The following NAA50 variants were observed in gnomAD, a reference collection of about 807,000 sequenced individuals.
NAA50 encodes the protein N-alpha-acetyltransferase 50, NatE catalytic subunit.
NAA50 carries 7 observed loss-of-function variants against 20.7 expected under a neutral mutation model. That is an observed-to-expected ratio of 0.34 (90% CI 0.19 to 0.63). The LOEUF is 0.63. Among genes scored for constraint, NAA50 ranks in the 30% least tolerant of loss-of-function variants. The pLI, the probability that NAA50 is intolerant of heterozygous loss-of-function variation, is 0.75. For synonymous variants in NAA50, 54 were observed against 70.6 expected (o/e 0.77, Z 1.18); for missense variants, 111 against 199.1 (o/e 0.56, Z 2.66).
intron 1 of NAA50, among the ~76,000 whole-genome samples, chr3:113,737,277 G>C (rs931507263): frequency 6.6e-6 from 1 of 152,186 alleles, no homozygotes; most frequent in Admixed American, 6.5e-5. Flanking sequence ...ATGGTCCTTT[G>C]ATTTAAAAAT....
intron 1 of NAA50, among the ~76,000 whole-genome samples, chr3:113,726,273 T>A (rs557841433): frequency 3.3e-5 from 5 of 152,000 alleles, no homozygotes; most frequent in African/African-American, 1.2e-4. Context: ...AATAAAAAAA[T>A]AGACATTTTC....
intron 1 of NAA50, among the ~76,000 whole-genome samples, chr3:113,730,426 A>T (rs1024662718): frequency 3.3e-5 from 5 of 151,226 alleles, no homozygotes; most frequent in African/African-American, 1.2e-4. Flanking sequence ...ATCAGTTTTG[A>T]TTGATTCCTT....
rs967316913 is a variant in NAA50 at position 113,719,191 on chromosome 3, T to C, written c.*2569A>G. ...TTCTCTTTTTGGAGGACTTTTCAAT[T>C]GATGAGTAAACTGCTTTAGATATTT... On this transcript the variant is annotated 3_prime_UTR_variant, in exon 5 of 5. Transcript: ENST00000240922. 3 of 152,622 alleles carry C rather than the reference T, an allele frequency of 2.0e-5. No individual in the cohort carries two copies. Among genetic ancestry groups the C allele is most frequent in the Admixed American group, 6.5e-5 (1 of 15,280 alleles). 9.5% of individuals were successfully genotyped at this position (152,622 alleles called of 1,614,324 possible).
intron 1 of NAA50, among the ~76,000 whole-genome samples, chr3:113,740,102 G>T (rs576447457): frequency 6.6e-6 from 1 of 151,616 alleles, no homozygotes; most frequent in Non-Finnish European, 1.5e-5. Flanking sequence ...TTTTCCCTTA[G>T]AAGTTTTTTT....
chr3:113,746,247 T>A lies in NAA50; in HGVS notation c.-298A>T. ...CAGACCCGCTGCCGCGCTGTGACCT[T>A]TCACCCCGCCCCTCGCGCGCCGGCG... On this transcript the variant is annotated 5_prime_UTR_variant, in exon 1 of 5. Coordinates refer to ENST00000240922, the MANE Select transcript of NAA50 (RefSeq NM_025146.4). 2.6e-6 allele frequency: 1 copy of A among 391,432 alleles called. No homozygotes were observed. The highest frequency in any genetic ancestry group is 4.6e-6 in the Non-Finnish European group (1 of 218,600). 24.2% of individuals were successfully genotyped at this position (391,432 alleles called of 1,614,324 possible).
chr3:113,739,003 G>A (rs1018943756), intron 1 of NAA50, among the ~76,000 whole-genome samples: 2 of 151,852 alleles, frequency 1.3e-5, no homozygotes, highest in Admixed American at 1.3e-4. Flanking sequence ...TAATAACTGG[G>A]TAAGTTATAA....
chr3:113,718,249 G>C lies in NAA50; in HGVS notation c.*3511C>G, dbSNP rs1708087032. 6.6e-6 allele frequency: 1 copy of C among 152,198 alleles called. No individual in the cohort carries two copies. Among genetic ancestry groups the C allele is most frequent in the Non-Finnish European group, 1.5e-5 (1 of 68,062 alleles). 9.4% of individuals were successfully genotyped at this position (152,198 alleles called of 1,614,324 possible). A position where few individuals can be genotyped will look rare whatever the true frequency, so the allele number is the denominator to read the frequency against. On this transcript the variant is annotated 3_prime_UTR_variant, in exon 5 of 5. Coordinates refer to ENST00000240922, the MANE Select transcript of NAA50 (RefSeq NM_025146.4). ...GAACAGAAGCCCAAGAGCCACGTAA[G>C]CAAGACATCTTGGAAATGGCTCCTC...
intron 4 of NAA50, among the ~76,000 whole-genome samples, chr3:113,722,665 T>C (rs1196831866): frequency 6.6e-6 from 1 of 152,192 alleles, no homozygotes; most frequent in Non-Finnish European, 1.5e-5. Flanking sequence ...ATTTCATCCC[T>C]GTGACTTTGG....
Position 113,723,891 on chromosome 3 carries a change from TA to T in NAA50, c.145+67del, listed in dbSNP as rs1266747825. On this transcript the variant is annotated intron_variant, in intron 2 of 4. Transcript: ENST00000240922. Reference sequence around the variant, plus strand: ...AAATTAGTTAACTTCTTCTGCTCTATAAAAAACTAGGGTTCAAGAACAAAAA... The same window carrying T: ...AAATTAGTTAACTTCTTCTGCTCTATAAAAACTAGGGTTCAAGAACAAAAA... 3.5e-6 allele frequency: 5 copies of T among 1,431,134 alleles called. No homozygotes were observed. In the Admixed American group the frequency reaches 9.9e-5, roughly 28 times the overall value. 88.7% of individuals were successfully genotyped at this position (1,431,134 alleles called of 1,614,324 possible).
chr3:113,736,716 T>C (rs1708347702), intron 1 of NAA50, among the ~76,000 whole-genome samples: 1 of 152,176 alleles, frequency 6.6e-6, no homozygotes, highest in Non-Finnish European at 1.5e-5. Flanking sequence ...TTAAGAAGGA[T>C]GGTTTCACTA....
chr3:113,724,827 T>G (rs1708180739), intron 1 of NAA50, among the ~76,000 whole-genome samples: 1 of 152,162 alleles, frequency 6.6e-6, no homozygotes. Context: ...TCTCACAAGA[T>G]CTGATGGTTT....
rs1708126951 is a variant in NAA50, at chr3:113,720,911, T to C, written c.*849A>G. 6.6e-6 allele frequency: 1 copy of C among 152,484 alleles called. No homozygotes were observed. The highest frequency in any genetic ancestry group is 2.4e-5 in the African/African-American group (1 of 41,408). 9.4% of individuals were successfully genotyped at this position (152,484 alleles called of 1,614,324 possible). A position where few individuals can be genotyped will look rare whatever the true frequency, so the allele number is the denominator to read the frequency against. ...TCAATTTTTAAGGTTAGACTATTGT[T>C]GGGTTTACTGAAGAAAAAGGAACGG... On this transcript the variant is annotated 3_prime_UTR_variant, in exon 5 of 5. Transcript: ENST00000240922.
intron 1 of NAA50, chr3:113,739,539 A>C (rs1205507010): frequency 6.6e-6 from 1 of 152,214 alleles, no homozygotes; most frequent in African/African-American, 2.4e-5. Context: ...GGACTGAGGT[A>C]AGAAGCCTCT....
intron 3 of NAA50, 110 bp from the exon 4 acceptor site, chr3:113,723,082 G>C (rs1194473111): frequency 2.3e-6 from 3 of 1,325,154 alleles, no homozygotes; most frequent in African/African-American, 3.0e-5. Context: ...GAATTTATGA[G>C]GTATACACTA....
At chr3:113,744,774 A>T (rs1489195682) in intron 1 of NAA50, among the ~76,000 whole-genome samples, 1 of 152,244 alleles carries the variant, frequency 6.6e-6, no homozygotes, top group Non-Finnish European at 1.5e-5. Context: ...GTAAGGAAAC[A>T]TGTTACAGAC....
Position 113,723,650 on chromosome 3 carries a change from C to T in NAA50, c.146-109G>A, listed in dbSNP as rs1708163451. The T allele has an allele frequency of 3.2e-6, 4 of 1,248,998 alleles. No homozygotes were observed. The South Asian group carries it at 5.2e-5, about 16-fold the overall frequency. 77.4% of individuals were successfully genotyped at this position (1,248,998 alleles called of 1,614,324 possible). ...TCCTATCAACATTAAATTTCATCAA[C>T]TATTTCATGAATATCAATGATCTCA... is the stretch of plus-strand genomic sequence containing the variant. On this transcript the variant is annotated intron_variant, in intron 2 of 4. Transcript: ENST00000240922.
At chr3:113,745,461 C>T (rs1474083817) in intron 1 of NAA50, among the ~76,000 whole-genome samples, 1 of 152,164 alleles carries the variant, frequency 6.6e-6, no homozygotes, top group African/African-American at 2.4e-5. Context: ...GCTCTTTATT[C>T]CAATTTCTTC....
At chr3:113,723,277 G>T in intron 3 of NAA50, 145 bp downstream of exon 3, 1 of 837,478 alleles carries the variant, frequency 1.2e-6, no homozygotes, top group Non-Finnish European at 1.8e-6. Context: ...ATAAACACTA[G>T]TTATTTTTCA....
chr3:113,730,171 C>T (rs1011295930), intron 1 of NAA50, among the ~76,000 whole-genome samples: 10 of 151,938 alleles, frequency 6.6e-5, no homozygotes, highest in South Asian at 2.1e-4. Flanking sequence ...TGTGGTGGCG[C>T]GTGCCTTTAG....
Sources: allele counts gnomAD v4.1 joint callset (sites outside exome capture counted in the v4.1 genomes callset), GRCh38; gene constraint gnomAD v4.1.1; transcripts MANE v1.5; gene names NCBI Gene and HGNC (gene_info 2026-07-23, HGNC 2026-07-21).